Variants in RIC1 observed in about 807,000 individuals in gnomAD.
RIC1 encodes guanine nucleotide exchange factor subunit RIC1.
In RIC1, 88 loss-of-function variants were observed where a neutral mutation model predicts 169.0. The ratio of observed to expected loss-of-function variants is 0.52; its 90% confidence interval spans 0.44 to 0.62. The LOEUF (loss-of-function observed/expected upper bound fraction) is 0.62. RIC1 is among the 20% of genes least tolerant of loss of function. The probability of loss-of-function intolerance (pLI) is 0.00; values close to 1 mark genes in which losing one functional copy is unlikely to be tolerated. For synonymous variants in RIC1, 790 were observed against 601.5 expected (o/e 1.31, Z -4.59); for missense variants, 1,877 against 1,725.5 (o/e 1.09, Z -1.56).
chr9:5,713,370 T>A (rs1474066151), intron 3 of RIC1: 1 of 152,372 alleles, frequency 6.6e-6, no homozygotes, highest in East Asian at 1.9e-4. Flanking sequence ...ATTTTAGGTA[T>A]TTAGCTACTT....
intron 3 of RIC1, among the ~76,000 whole-genome samples, chr9:5,704,220 T>A (rs1822415542): frequency 6.6e-6 from 1 of 152,032 alleles, no homozygotes; most frequent in East Asian, 1.9e-4. Context: ...ACTGTCTTTT[T>A]TTTTTTTATT....
downstream of RIC1, chr9:5,776,657 CAG>C (rs1471818597): frequency 1.3e-5 from 2 of 151,776 alleles, no homozygotes; most frequent in Non-Finnish European, 2.9e-5. Context: ...GAAATTCAGA[CAG>C]ATTTATTTAA....
chr9:5,762,804 G>A lies in RIC1; in HGVS notation c.2112+144G>A. ...TAAAATCAGTCTTAAGCCTCTGGGT[G>A]TAAGACTGACTGACTGGAGGATAAG... On this transcript the variant is annotated intron_variant, in intron 18 of 25. Transcript: ENST00000414202. The A allele has an allele frequency of 4.7e-6, 5 of 1,063,488 alleles. 1 individual carries two copies. The East Asian group carries it at 1.0e-4, about 22-fold the overall frequency. 65.9% of individuals were successfully genotyped at this position (1,063,488 alleles called of 1,614,324 possible).
chr9:5,718,787 A>T (rs61695268), intron 4 of RIC1, among the ~76,000 whole-genome samples: 3,026 of 152,316 alleles, frequency 0.02, 156 homozygotes, highest in East Asian at 0.15. Context: ...AATTGATTAC[A>T]AATGGCTGTG....
chr9:5,706,992 A>G (rs1055965477), intron 3 of RIC1, among the ~76,000 whole-genome samples: 1 of 152,140 alleles, frequency 6.6e-6, no homozygotes, highest in Non-Finnish European at 1.5e-5. Context: ...GTATAAAGTT[A>G]GGTTACTGAT....
At chr9:5,632,411 A>G (rs1005699173) in intron 1 of RIC1, among the ~76,000 whole-genome samples, 2 of 152,182 alleles carry the variant, frequency 1.3e-5, no homozygotes, top group South Asian at 2.1e-4. Flanking sequence ...ACTGTCCTCT[A>G]TTCTAAGTAG....
chr9:5,707,278 A>C (rs1016139340), intron 3 of RIC1, among the ~76,000 whole-genome samples: 6 of 152,110 alleles, frequency 3.9e-5, no homozygotes, highest in African/African-American at 1.4e-4. Context: ...AAATTTATTA[A>C]GACTTTTTTG....
At chr9:5,682,354 G>C (rs1173987075) in intron 2 of RIC1, among the ~76,000 whole-genome samples, 1 of 152,140 alleles carries the variant, frequency 6.6e-6, no homozygotes, top group Non-Finnish European at 1.5e-5. Context: ...GGCAGGCCTG[G>C]TGGGGACAAA....
intron 12 of RIC1, 32 bp from the exon 13 acceptor site, chr9:5,753,168 G>C: frequency 6.3e-7 from 1 of 1,583,494 alleles, no homozygotes; most frequent in Non-Finnish European, 8.7e-7. Flanking sequence ...TATTTCATAA[G>C]TTTTACCAAT....
Position 5,765,816 on chromosome 9 carries a change from C to G in RIC1, c.3137+18C>G. On this transcript the variant is annotated intron_variant, in intron 21 of 25. Transcript: ENST00000414202. Reference sequence around the variant, plus strand: ...GGAAAAAGGTAAAATAATAAAGAGCCATTACTGCTTTTTGGGCATTCATGA... The same window carrying G: ...GGAAAAAGGTAAAATAATAAAGAGCGATTACTGCTTTTTGGGCATTCATGA... 3 of 1,613,132 alleles carry G rather than the reference C, an allele frequency of 1.9e-6. No homozygotes were observed. The highest frequency in any genetic ancestry group is 2.5e-6 in the Non-Finnish European group (3 of 1,179,534).
At chr9:5,696,297 C>G (rs984778044) in intron 3 of RIC1, among the ~76,000 whole-genome samples, 2 of 152,034 alleles carry the variant, frequency 1.3e-5, no homozygotes, top group African/African-American at 4.8e-5. Flanking sequence ...GCTCTCTGGC[C>G]TGGCATTTAG....
intron 3 of RIC1, among the ~76,000 whole-genome samples, chr9:5,702,142 T>C (rs1172955750): frequency 6.6e-6 from 1 of 152,240 alleles, no homozygotes; most frequent in Non-Finnish European, 1.5e-5. Flanking sequence ...ATATCAAATA[T>C]ACTGTAAAAG....
At chr9:5,677,696 T>C (rs1820535196) in intron 2 of RIC1, among the ~76,000 whole-genome samples, 1 of 152,152 alleles carries the variant, frequency 6.6e-6, no homozygotes, top group Non-Finnish European at 1.5e-5. Context: ...CATCTCAATT[T>C]TTTTTTGTAA....
chr9:5,712,216 T>C (rs1812504549), intron 3 of RIC1, among the ~76,000 whole-genome samples: 1 of 152,200 alleles, frequency 6.6e-6, no homozygotes, highest in South Asian at 2.1e-4. Flanking sequence ...TTCCTATTTC[T>C]TCACATCCTC....
intron 17 of RIC1, among the ~76,000 whole-genome samples, chr9:5,759,527 C>T (rs1297640408): frequency 1.3e-5 from 2 of 152,000 alleles, no homozygotes; most frequent in Non-Finnish European, 2.9e-5. Context: ...TAATCACTAC[C>T]CTGCAGAACC....
At chr9:5,694,035 C>T (rs1048110741) in intron 3 of RIC1, among the ~76,000 whole-genome samples, 1 of 152,066 alleles carries the variant, frequency 6.6e-6, no homozygotes, top group African/African-American at 2.4e-5. Context: ...TCTCCTCTTC[C>T]CCCTCCACCC....
intron 3 of RIC1, among the ~76,000 whole-genome samples, chr9:5,700,726 C>T (rs1004365712): frequency 1.4e-4 from 21 of 152,094 alleles, no homozygotes; most frequent in Non-Finnish European, 1.8e-4. Context: ...CTTCATTCTG[C>T]ACAAGTGCAC....
rs1227253791 is a variant in RIC1 at position 5,695,595 on chromosome 9, C to G, written c.332+5557C>G. 1.0e-4 allele frequency among the ~76,000 whole-genome samples: 14 copies of G among 134,060 alleles called. No homozygotes were observed. The East Asian group carries it at 2.2e-3, about 21-fold the overall frequency. 87.9% of individuals were successfully genotyped at this position (134,060 alleles called of 152,430 possible). On this transcript the variant is annotated intron_variant, in intron 3 of 25. Transcript: ENST00000414202. ...TCTTTTTTTTTTTTTTTTTTTGAGACAGAGTCTCGCTCTGTCGCCTGTGCT... is the reference window on the plus strand; with the variant it reads ...TCTTTTTTTTTTTTTTTTTTTGAGAGAGAGTCTCGCTCTGTCGCCTGTGCT...
chr9:5,749,517 G>C (rs1473726768), intron 12 of RIC1, among the ~76,000 whole-genome samples: 1 of 152,062 alleles, frequency 6.6e-6, no homozygotes, highest in African/African-American at 2.4e-5. Context: ...AGTTGATTTT[G>C]TTTGCGTGAT....
Sources: gnomAD v4.1 joint callset for allele counts (sites outside exome capture counted in the v4.1 genomes callset) on GRCh38, gnomAD v4.1.1 for gene constraint, MANE v1.5 for transcripts, NCBI Gene and HGNC (gene_info 2026-07-23, HGNC 2026-07-21) for gene names.